RAB3C: variants seen among roughly 807,000 people sequenced by gnomAD.
RAB3C encodes ras-related protein Rab-3C.
In RAB3C, 17 loss-of-function variants were observed where a neutral mutation model predicts 26.4. The observed-to-expected ratio is 0.64, with a 90% CI of 0.44 to 0.97. The LOEUF is 0.97. Ranked by LOEUF, RAB3C falls within the 50% of genes least tolerant of loss-of-function variation. RAB3C has a pLI of 0.00. For synonymous variants in RAB3C, 91 were observed against 95.9 expected (o/e 0.95, Z 0.30); for missense variants, 242 against 281.9 (o/e 0.86, Z 1.01).
chr5:58,832,469 T>C (rs1205561476), intron 4 of RAB3C, among the ~76,000 whole-genome samples: 1 of 152,208 alleles, frequency 6.6e-6, no homozygotes, highest in African/African-American at 2.4e-5. Flanking sequence ...TGTATTCATT[T>C]ATTCAGTATT....
chr5:58,682,574 C>A (rs1175720985), intron 2 of RAB3C, among the ~76,000 whole-genome samples: 1 of 151,778 alleles, frequency 6.6e-6, no homozygotes, highest in Non-Finnish European at 1.5e-5. Context: ...GTCCCAGCTA[C>A]TGGAGAGGCT....
At chr5:58,678,112 G>A (rs1452990533) in intron 2 of RAB3C, among the ~76,000 whole-genome samples, 1 of 151,936 alleles carries the variant, frequency 6.6e-6, no homozygotes, top group Non-Finnish European at 1.5e-5. Flanking sequence ...CAACATTTTA[G>A]AGCAATAATA....
At chr5:58,699,763 C>A (rs996151800) in intron 2 of RAB3C, among the ~76,000 whole-genome samples, 2 of 152,236 alleles carry the variant, frequency 1.3e-5, no homozygotes, top group Non-Finnish European at 2.9e-5. Context: ...GGCATGGGAC[C>A]CACCAAGCCA....
At chr5:58,808,219 C>T (rs182255338) in intron 3 of RAB3C, among the ~76,000 whole-genome samples, 251 of 120,578 alleles carry the variant, frequency 2.1e-3, no homozygotes, top group Middle Eastern at 7.9e-3. Context: ...AGCAAGACTC[C>T]GTCTCAAAAA....
At chr5:58,650,364 T>TA (rs1463032215) in intron 2 of RAB3C, among the ~76,000 whole-genome samples, 4 of 151,790 alleles carry the variant, frequency 2.6e-5, no homozygotes, top group Non-Finnish European at 5.9e-5. Context: ...AGTGAGACAG[T>TA]AAAAAGAGGG....
intron 3 of RAB3C, among the ~76,000 whole-genome samples, chr5:58,810,283 G>A (rs1743038093): frequency 1.3e-5 from 2 of 152,090 alleles, no homozygotes; most frequent in Non-Finnish European, 2.9e-5. Context: ...ACATATTCAA[G>A]AGCAAACAAA....
intron 2 of RAB3C, among the ~76,000 whole-genome samples, chr5:58,658,107 C>T (rs977476611): frequency 9.9e-5 from 15 of 152,114 alleles, no homozygotes; most frequent in African/African-American, 2.9e-4. Context: ...CTGCTTCATA[C>T]GTGTCTATTA....
chr5:58,656,226 A>G (rs1482303694), intron 2 of RAB3C, among the ~76,000 whole-genome samples: 1 of 152,240 alleles, frequency 6.6e-6, no homozygotes, highest in Non-Finnish European at 1.5e-5. Flanking sequence ...TTACACACAA[A>G]GTAGACTTAT....
At chr5:58,694,145 TC>T (rs1467217450) in intron 2 of RAB3C, among the ~76,000 whole-genome samples, 3 of 152,134 alleles carry the variant, frequency 2.0e-5, no homozygotes, top group African/African-American at 7.2e-5. Flanking sequence ...CCAAGTGATC[TC>T]ATTGTTCAAT....
intron 4 of RAB3C, among the ~76,000 whole-genome samples, chr5:58,841,980 T>C (rs1289691097): frequency 6.6e-6 from 1 of 152,198 alleles, no homozygotes; most frequent in Non-Finnish European, 1.5e-5. Flanking sequence ...TGTTAAGGGA[T>C]ACCATTGAGT....
At chr5:58,765,749 C>G (rs1741887842) in intron 3 of RAB3C, among the ~76,000 whole-genome samples, 1 of 152,084 alleles carries the variant, frequency 6.6e-6, no homozygotes, top group Non-Finnish European at 1.5e-5. Context: ...TATATGATAT[C>G]AAGACATAAT....
intron 3 of RAB3C, among the ~76,000 whole-genome samples, chr5:58,789,213 G>A (rs1561130663): frequency 6.6e-6 from 1 of 151,930 alleles, no homozygotes; most frequent in Non-Finnish European, 1.5e-5. Context: ...TTCTGCTTGG[G>A]GTACCAGCTG....
intron 2 of RAB3C, among the ~76,000 whole-genome samples, chr5:58,669,949 C>G (rs1306538887): frequency 1.3e-5 from 2 of 152,208 alleles, no homozygotes; most frequent in African/African-American, 4.8e-5. Flanking sequence ...GTTTCGCTCT[C>G]ATTCCCGTTT....
At chr5:58,797,368 A>ATATATATATATATATAT (rs1464292932) in intron 3 of RAB3C, among the ~76,000 whole-genome samples, 7 of 22,808 alleles carry the variant, frequency 3.1e-4, no homozygotes, top group African/African-American at 6.0e-4. Flanking sequence ...GTATATATAT[A>ATATATATATATATATAT]ATATATATAT....
At chr5:58,624,881 A>T (rs190305428) in intron 2 of RAB3C, among the ~76,000 whole-genome samples, 36 of 152,282 alleles carry the variant, frequency 2.4e-4, no homozygotes, top group African/African-American at 8.4e-4. Flanking sequence ...AACTGAAAAA[A>T]AAACAAACAA....
chr5:58,838,054 A>G (rs2112075781), intron 4 of RAB3C, among the ~76,000 whole-genome samples: 1 of 152,188 alleles, frequency 6.6e-6, no homozygotes, highest in African/African-American at 2.4e-5. Context: ...CGTCTAGCTA[A>G]TGATTTGCCA....
At chr5:58,643,153 C>T (rs950651861) in intron 2 of RAB3C, among the ~76,000 whole-genome samples, 1 of 152,172 alleles carries the variant, frequency 6.6e-6, no homozygotes, top group South Asian at 2.1e-4. Context: ...GAATCTGATA[C>T]CTGTCATGTT....
At chr5:58,770,407 G>A (rs77294501) in intron 3 of RAB3C, among the ~76,000 whole-genome samples, 7 of 152,064 alleles carry the variant, frequency 4.6e-5, no homozygotes, top group African/African-American at 9.7e-5. Context: ...AGTCCAGTTC[G>A]GGTTTTCCTT....
rs1415055742 is a variant in RAB3C at position 58,669,376 on chromosome 5, C to T, written c.252+51506C>T. On this transcript the variant is annotated intron_variant, in intron 2 of 4. Coordinates refer to ENST00000282878, the MANE Select transcript of RAB3C (RefSeq NM_138453.4). ...ACCTCATGTTCAAAGAGCCTGCTGCCCAGGTCACACCAGACCACACCCAGA... is the reference window on the plus strand; with the variant it reads ...ACCTCATGTTCAAAGAGCCTGCTGCTCAGGTCACACCAGACCACACCCAGA... Among the ~76,000 whole-genome samples the T allele has an allele frequency of 3.3e-5, 5 of 152,068 alleles. No individual in the cohort carries two copies. In the East Asian group the frequency reaches 9.6e-4, roughly 29 times the overall value.
Sources: allele counts gnomAD v4.1 joint callset (sites outside exome capture counted in the v4.1 genomes callset), GRCh38; gene constraint gnomAD v4.1.1; transcripts MANE v1.5; gene names NCBI Gene and HGNC (gene_info 2026-07-23, HGNC 2026-07-21).